SLC44A3: variants seen among roughly 807,000 people sequenced by gnomAD.
SLC44A3 encodes the protein choline transporter-like protein 3.
A neutral mutation model predicts 75.4 loss-of-function variants in SLC44A3; 74 were observed. The observed-to-expected ratio is 0.98, with a 90% CI of 0.81 to 1.19. The LOEUF (loss-of-function observed/expected upper bound fraction) is 1.19. SLC44A3 is among the 50% of genes most tolerant of loss of function. The probability of loss-of-function intolerance (pLI) is 0.00; values close to 1 mark genes in which losing one functional copy is unlikely to be tolerated. For synonymous variants in SLC44A3, 310 were observed against 296.9 expected (o/e 1.04, Z -0.45); for missense variants, 700 against 778.6 (o/e 0.90, Z 1.20).
chr1:94,847,622 T>G (rs1664585175), intron 9 of SLC44A3, among the ~76,000 whole-genome samples: 1 of 152,186 alleles, frequency 6.6e-6, no homozygotes, highest in South Asian at 2.1e-4. Context: ...TCAGCCCTGG[T>G]CAGAAGGGAG....
intron 9 of SLC44A3, among the ~76,000 whole-genome samples, chr1:94,853,290 C>T (rs1325505152): frequency 6.6e-6 from 1 of 151,958 alleles, no homozygotes; most frequent in Non-Finnish European, 1.5e-5. Context: ...TGAGGATTGA[C>T]CACTGAATAA....
At chr1:94,840,283 C>CTTTTTTTTTTTTTTTTTTTTT (rs56383271) in intron 7 of SLC44A3, among the ~76,000 whole-genome samples, 1 of 77,360 alleles carries the variant, frequency 1.3e-5, no homozygotes, top group Non-Finnish European at 2.3e-5. Context: ...TTTCTTTTTC[C>CTTTTTTTTTTTTTTTTTTTTT]TTTTTTTTTT....
intron 9 of SLC44A3, among the ~76,000 whole-genome samples, chr1:94,852,492 T>A: frequency 6.6e-6 from 1 of 151,858 alleles, no homozygotes; most frequent in East Asian, 1.9e-4. Flanking sequence ...GAGAGTGGAG[T>A]GGGCGAGGGA....
intron 2 of SLC44A3, among the ~76,000 whole-genome samples, chr1:94,822,504 C>G (rs1431229368): frequency 6.6e-6 from 1 of 151,586 alleles, no homozygotes; most frequent in Non-Finnish European, 1.5e-5. Context: ...ACTTTTTTTT[C>G]TGCCTCTGTT....
At chr1:94,848,219 A>G (rs1474402892) in intron 9 of SLC44A3, among the ~76,000 whole-genome samples, 1 of 120,950 alleles carries the variant, frequency 8.3e-6, no homozygotes, top group Non-Finnish European at 1.7e-5. Context: ...ACAGAGTGAG[A>G]CTCTGTCTCA....
chr1:94,840,795 G>C (rs551218539), intron 7 of SLC44A3, among the ~76,000 whole-genome samples: 8 of 152,336 alleles, frequency 5.3e-5, no homozygotes, highest in Admixed American at 1.3e-4. Context: ...AGACACACAG[G>C]CCTGCATGGA....
At chr1:94,821,153 A>T in intron 2 of SLC44A3, 97 bp downstream of exon 2, 1 of 933,198 alleles carries the variant, frequency 1.1e-6, no homozygotes, top group Non-Finnish European at 1.6e-6. Flanking sequence ...TGCTGCAGTG[A>T]GAGACTTCTG....
In SLC44A3 at chr1:94,843,878, T is replaced by TG. The variant is rs1239277453; in HGVS notation, c.886-1392dup. Among the ~76,000 whole-genome samples, 217 of 28,666 alleles carry TG rather than the reference T, an allele frequency of 7.6e-3. 1 individual carries two copies. The highest frequency in any genetic ancestry group is 0.024 in the Middle Eastern group (1 of 42). 18.8% of individuals were successfully genotyped at this position (28,666 alleles called of 152,430 possible). Reference sequence around the variant, plus strand: ...GAGGAGGGACTGAGGTGGGGCGGGGTGGGGGGGGTGGTCAGGGAGGTTAAA... The same window carrying TG: ...GAGGAGGGACTGAGGTGGGGCGGGGTGGGGGGGGGTGGTCAGGGAGGTTAAA... On this transcript the variant is annotated intron_variant, in intron 8 of 14. Transcript: ENST00000271227.
intron 9 of SLC44A3, among the ~76,000 whole-genome samples, chr1:94,850,489 G>C (rs1310555678): frequency 6.6e-6 from 1 of 152,172 alleles, no homozygotes; most frequent in Non-Finnish European, 1.5e-5. Flanking sequence ...CTGTGCTGCA[G>C]TTAGAAGATT....
intron 12 of SLC44A3, among the ~76,000 whole-genome samples, chr1:94,887,352 G>A (rs1669693402): frequency 7.8e-6 from 1 of 127,774 alleles, no homozygotes. Flanking sequence ...TATTCATTCA[G>A]ATGTTAATTC....
At chr1:94,856,111 G>T (rs901988016) in intron 9 of SLC44A3, among the ~76,000 whole-genome samples, 2 of 152,168 alleles carry the variant, frequency 1.3e-5, no homozygotes, top group African/African-American at 4.8e-5. Flanking sequence ...CACGTGAATG[G>T]CAAAAAGTTG....
chr1:94,845,205 G>T, intron 8 of SLC44A3, 73 bp from the exon 9 acceptor site: 1 of 1,432,072 alleles, frequency 7.0e-7, no homozygotes, highest in Non-Finnish European at 9.4e-7. Flanking sequence ...CATAATAATA[G>T]TAGGGCTTGC....
At chr1:94,854,659 C>A (rs1356345107) in intron 9 of SLC44A3, among the ~76,000 whole-genome samples, 1 of 152,222 alleles carries the variant, frequency 6.6e-6, no homozygotes, top group African/African-American at 2.4e-5. Flanking sequence ...ACCTGTTTCC[C>A]GGCTTTCGCC....
intron 12 of SLC44A3, among the ~76,000 whole-genome samples, chr1:94,885,557 T>G (rs945672272): frequency 6.6e-6 from 1 of 152,196 alleles, no homozygotes; most frequent in South Asian, 2.1e-4. Flanking sequence ...AACACCACTT[T>G]GTTATTTTGA....
chr1:94,879,850 AAAAG>A (rs933348525), intron 12 of SLC44A3, among the ~76,000 whole-genome samples: 4 of 151,862 alleles, frequency 2.6e-5, no homozygotes, highest in Non-Finnish European at 5.9e-5. Flanking sequence ...AAAAAAAAAA[AAAAG>A]AAAAAAAAAG....
Position 94,895,043 on chromosome 1 carries a change from ATTC to A in SLC44A3, c.*125_*127del, listed in dbSNP as rs1670623432. 1.5e-6 allele frequency: 1 copy of A among 648,020 alleles called. No individual in the cohort carries two copies. Among genetic ancestry groups the A allele is most frequent in the African/African-American group, 1.8e-5 (1 of 54,608 alleles). 40.1% of individuals were successfully genotyped at this position (648,020 alleles called of 1,614,324 possible). On this transcript the variant is annotated 3_prime_UTR_variant, in exon 15 of 15. Coordinates refer to ENST00000271227, the MANE Select transcript of SLC44A3 (RefSeq NM_001114106.3). ...TTTTTTAAAAGACCTAATAAACCCT[ATTC>A]TTCCTCATTGTCTTTGTCATTATTG... is the stretch of plus-strand genomic sequence containing the variant.
chr1:94,867,257 C>A, intron 11 of SLC44A3, 74 bp from the exon 12 acceptor site: 1 of 1,337,104 alleles, frequency 7.5e-7, no homozygotes. Flanking sequence ...AACTGTGTTT[C>A]CTCAGAAACT....
chr1:94,827,806 T>G (rs909939975), intron 4 of SLC44A3, among the ~76,000 whole-genome samples, 163 bp downstream of exon 4: 46 of 152,194 alleles, frequency 3.0e-4, no homozygotes, highest in Non-Finnish European at 6.3e-4. Context: ...CATTTTCTCT[T>G]GAGCTTGTTC....
chr1:94,854,189 C>CA (rs1464981420), intron 9 of SLC44A3, among the ~76,000 whole-genome samples: 3 of 152,084 alleles, frequency 2.0e-5, no homozygotes, highest in Non-Finnish European at 4.4e-5. Context: ...AAGCAGATTT[C>CA]AAAAAAAGTC....
Sources: gnomAD v4.1 joint callset for allele counts (sites outside exome capture counted in the v4.1 genomes callset) on GRCh38, gnomAD v4.1.1 for gene constraint, MANE v1.5 for transcripts, NCBI Gene and HGNC (gene_info 2026-07-23, HGNC 2026-07-21) for gene names.